LNPEP: variants seen among roughly 807,000 people sequenced by gnomAD.
LNPEP encodes leucyl and cystinyl aminopeptidase, also known as leucyl-cystinyl aminopeptidase.
LNPEP carries 64 observed loss-of-function variants against 120.6 expected under a neutral mutation model. That is an observed-to-expected ratio of 0.53 (90% CI 0.43 to 0.65). The LOEUF (loss-of-function observed/expected upper bound fraction) is 0.65. Ranked by LOEUF, LNPEP falls within the 30% of genes least tolerant of loss-of-function variation. The pLI is 0.00. For missense variants in LNPEP, 1,057 were observed against 1,200.0 expected, an observed-to-expected ratio of 0.88 and a Z score of 1.76; for synonymous variants, 435 against 425.4, an observed-to-expected ratio of 1.02 and a Z score of -0.28.
intron 1 of LNPEP, among the ~76,000 whole-genome samples, chr5:96,966,521 TG>T (rs1789727657): frequency 6.9e-6 from 1 of 145,692 alleles, no homozygotes; most frequent in Non-Finnish European, 1.5e-5. Flanking sequence ...TGTGTGTGTG[TG>T]TGTGTGTGTG....
chr5:96,936,370 C>T (rs935950831), intron 1 of LNPEP, 196 bp downstream of exon 1: 21 of 422,762 alleles, frequency 5.0e-5, no homozygotes, highest in Non-Finnish European at 8.1e-5. Flanking sequence ...AGTGCGGGAC[C>T]CGGGGCTGGC....
At chr5:97,016,650 T>G (rs976699339) in intron 13 of LNPEP, among the ~76,000 whole-genome samples, 2 of 152,184 alleles carry the variant, frequency 1.3e-5, no homozygotes, top group African/African-American at 4.8e-5. Context: ...TTGAAAAGCT[T>G]GCAGACCATA....
At chr5:96,957,923 G>A (rs1789509147) in intron 1 of LNPEP, among the ~76,000 whole-genome samples, 1 of 152,178 alleles carries the variant, frequency 6.6e-6, no homozygotes, top group Non-Finnish European at 1.5e-5. Flanking sequence ...ACTTTTGCAG[G>A]TTCATGCACA....
At chr5:96,942,698 G>A (rs1161701784) in intron 1 of LNPEP, among the ~76,000 whole-genome samples, 2 of 141,752 alleles carry the variant, frequency 1.4e-5, no homozygotes, top group Non-Finnish European at 3.1e-5. Flanking sequence ...CACAGGGTGG[G>A]GAACACCACA....
chr5:96,949,729 A>G (rs1384600563), intron 1 of LNPEP, among the ~76,000 whole-genome samples: 2 of 152,246 alleles, frequency 1.3e-5, no homozygotes, highest in Non-Finnish European at 2.9e-5. Context: ...ATAGCAGACA[A>G]AAACACAGTT....
At chr5:97,027,943 G>C (rs1391394610) in intron 17 of LNPEP, 129 bp downstream of exon 17, 19 of 647,046 alleles carry the variant, frequency 2.9e-5, no homozygotes, top group Non-Finnish European at 4.7e-5. Context: ...TCCTTTATCA[G>C]TACTAATGAT....
intron 13 of LNPEP, among the ~76,000 whole-genome samples, chr5:97,017,915 C>A (rs1447647762): frequency 6.6e-6 from 1 of 152,094 alleles, no homozygotes; most frequent in Non-Finnish European, 1.5e-5. Context: ...TGCCAGTAAT[C>A]CTTGGTATTC....
intron 1 of LNPEP, among the ~76,000 whole-genome samples, chr5:96,956,247 A>T (rs995827160): frequency 6.6e-6 from 1 of 152,274 alleles, no homozygotes. Flanking sequence ...TTCTCTCTAT[A>T]TAAAAACACT....
intron 9 of LNPEP, among the ~76,000 whole-genome samples, chr5:97,004,977 C>T (rs1309817627): frequency 6.6e-6 from 1 of 152,158 alleles, no homozygotes; most frequent in Non-Finnish European, 1.5e-5. Flanking sequence ...CTAACATTAT[C>T]CTCAGGTTTT....
At position 96,965,838 on chromosome 5, in the gene LNPEP, G is replaced by A. The variant is rs116558266; in HGVS notation, c.20-13300G>A. On this transcript the variant is annotated intron_variant, in intron 1 of 17. Transcript: ENST00000231368. The stretch of plus-strand genomic sequence containing the variant: ...AGTCATTTTTCTTCTTTTACTGAAG[G>A]CAATGACTTCTTCCTCATTAAATTT... Among the ~76,000 whole-genome samples the A allele has an allele frequency of 2.8e-3, 431 of 152,154 alleles. 2 individuals are homozygous for A. Among genetic ancestry groups the A allele is most frequent in the African/African-American group, 9.9e-3 (410 of 41,492 alleles).
chr5:96,936,092 C>T lies in LNPEP; in HGVS notation c.-64C>T, dbSNP rs908016081. 6 of 1,506,114 alleles carry T rather than the reference C, an allele frequency of 4.0e-6. No homozygotes were observed. The highest frequency in any genetic ancestry group is 1.4e-5 in the African/African-American group (1 of 69,206). 93.3% of individuals were successfully genotyped at this position (1,506,114 alleles called of 1,614,324 possible). A position where few individuals can be genotyped will look rare whatever the true frequency, so the allele number is the denominator to read the frequency against. On this transcript the variant is annotated 5_prime_UTR_variant, in exon 1 of 18. Coordinates refer to ENST00000231368, the MANE Select transcript of LNPEP (RefSeq NM_005575.3). ...GCTGGGCATGCTCAGTCAGCTGGGC[C>T]GCCTCAGCTCTCGGAGTAGGAAGCT...
intron 1 of LNPEP, chr5:96,942,836 C>T (rs1445087974): frequency 1.3e-5 from 2 of 152,570 alleles, no homozygotes; most frequent in Non-Finnish European, 2.9e-5. Context: ...AACAAACCTG[C>T]ACGTTGTGCA....
chr5:96,954,932 G>A (rs1457906553), intron 1 of LNPEP, among the ~76,000 whole-genome samples: 1 of 149,498 alleles, frequency 6.7e-6, no homozygotes. Flanking sequence ...ACCGGCGCCT[G>A]CCACCACGCC....
intron 4 of LNPEP, among the ~76,000 whole-genome samples, chr5:96,987,845 T>C (rs9918162): frequency 0.073 from 11,126 of 152,220 alleles, 720 homozygotes; most frequent in African/African-American, 0.17. Context: ...CTTCAGGTGT[T>C]GCACTACATA....
chr5:96,958,055 GT>G (rs1789511471), intron 1 of LNPEP, among the ~76,000 whole-genome samples: 1 of 152,200 alleles, frequency 6.6e-6, no homozygotes, highest in South Asian at 2.1e-4. Context: ...AATTTTACCT[GT>G]TGGCATTTCC....
Position 97,030,652 on chromosome 5 carries a change from GT to G in LNPEP, c.*2120del, listed in dbSNP as rs1791451691. On this transcript the variant is annotated 3_prime_UTR_variant, in exon 18 of 18. Transcript: ENST00000231368. ...TGTGTGTGTGTGTGTGTGTGTGTGT[GT>G]GTGTGTGTGTGTGTGTAGTGTGGGG... 1.3e-5 allele frequency: 2 copies of G among 150,154 alleles called. No homozygotes were observed. The highest frequency in any genetic ancestry group is 1.3e-4 in the Admixed American group (2 of 15,122). The allele number at this position is 150,154 out of a possible 1,614,324, so 9.3% of individuals were successfully genotyped here. A position where few individuals can be genotyped will look rare whatever the true frequency, so the allele number is the denominator to read the frequency against.
chr5:97,023,597 G>A (rs1490949918), intron 14 of LNPEP, among the ~76,000 whole-genome samples: 1 of 152,104 alleles, frequency 6.6e-6, no homozygotes, highest in East Asian at 1.9e-4. Flanking sequence ...TCCATTGTAT[G>A]TATATACCAC....
chr5:97,010,240 T>A, intron 11 of LNPEP: 2 of 951,624 alleles, frequency 2.1e-6, no homozygotes, highest in Non-Finnish European at 2.5e-6. Flanking sequence ...AGACCTAAGA[T>A]CTTTAACTAT....
chr5:97,013,507 TAACTGTACTTGGAGAC>T, intron 11 of LNPEP, 125 bp from the exon 12 acceptor site: 1 of 463,662 alleles, frequency 2.2e-6, no homozygotes, highest in South Asian at 5.6e-5. Flanking sequence ...AACGTGAAAA[TAACTGTACTTGGAGAC>T]AGGCATTTTT....
Sources: gnomAD v4.1 joint callset for allele counts (sites outside exome capture counted in the v4.1 genomes callset) on GRCh38, gnomAD v4.1.1 for gene constraint, MANE v1.5 for transcripts, NCBI Gene and HGNC (gene_info 2026-07-23, HGNC 2026-07-21) for gene names.